Variants in DNAH17 observed in about 807,000 individuals in gnomAD.
The protein encoded by DNAH17 is axonemal beta dynein heavy chain 17.
DNAH17 carries 376 observed loss-of-function variants against 485.6 expected under a neutral mutation model. The observed-to-expected ratio is 0.77, with a 90% CI of 0.71 to 0.84. DNAH17 has a LOEUF of 0.84. Ranked by LOEUF, DNAH17 falls within the 40% of genes least tolerant of loss-of-function variation. The pLI is 0.00. For missense variants in DNAH17, 6,370 were observed against 5,839.3 expected (o/e 1.09, Z -2.96); for synonymous variants, 3,031 against 2,405.9 (o/e 1.26, Z -7.60).
In DNAH17 at chr17:78,463,129, C is replaced by T. The variant is rs1428004517; in HGVS notation, c.8941-52G>A. 4 of 1,550,944 alleles carry T rather than the reference C, an allele frequency of 2.6e-6. No individual in the cohort carries two copies. In the East Asian group the frequency reaches 9.1e-5, roughly 35 times the overall value. On this transcript the variant is annotated intron_variant, in intron 56 of 80. Coordinates refer to ENST00000389840, the MANE Select transcript of DNAH17 (RefSeq NM_173628.4). ...CCTGGGACCCCATCCTGCAAATCAG[C>T]AAAGTGGGGCTCCCCAGACTCACCA...
chr17:78,429,277 G>C lies in DNAH17; in HGVS notation c.12249C>G (p.Tyr4083Ter). The C allele has an allele frequency of 6.2e-7, 1 of 1,613,890 alleles. No individual in the cohort carries two copies. The highest frequency in any genetic ancestry group is 8.5e-7 in the Non-Finnish European group (1 of 1,179,862). The change falls in exon 76 of 81, where the codon TAC becomes TAG. Residue 4083 changes from tyrosine (Y) to a stop codon, truncating the protein, a stop_gained. Transcript: ENST00000389840. LOFTEE classifies it high-confidence loss of function. ...NPKVPWDDLR[Y>*]LFGEIMYGGH... is the part of the protein sequence containing the mutation. The stretch of plus-strand genomic sequence containing the variant: ...CGCCATACATGATTTCACCAAAAAG[G>C]TAGCGGAGATCGTCCCAGGGCACCT...
In DNAH17 at chr17:78,500,298, C is replaced by T. The variant is rs536548386; in HGVS notation, c.5640+7G>A. On this transcript the variant is annotated splice_region_variant and intron_variant, in intron 36 of 80. Transcript: ENST00000389840. ...CTGGGTCCCTCCTCCGGACCCCGGC[C>T]GCGTACCTTGTAGTCCATCTGCTCG... 27 of 1,608,154 alleles carry T rather than the reference C, an allele frequency of 1.7e-5. No individual in the cohort carries two copies. The highest frequency in any genetic ancestry group is 1.6e-4 in the East Asian group (7 of 44,564).
chr17:78,447,009 G>C (rs114209890), intron 69 of DNAH17, among the ~76,000 whole-genome samples: 2,277 of 152,132 alleles, frequency 0.015, 72 homozygotes, highest in African/African-American at 0.052. Flanking sequence ...TGTGATCATG[G>C]CTCACTGCAG....
At position 78,470,924 on chromosome 17, in the gene DNAH17, GAA is replaced by G. The variant is rs377486316; in HGVS notation, c.8512-2043_8512-2042del. Reference sequence around the variant, plus strand: ...TCATAGGAATTTTGCAAGAATAAATGAAAAGTTTTTTTTAAAGCATTTTACAG... The same window carrying G: ...TCATAGGAATTTTGCAAGAATAAATGAAGTTTTTTTTAAAGCATTTTACAG... On this transcript the variant is annotated intron_variant, in intron 54 of 80. Transcript: ENST00000389840. 1.1e-4 allele frequency among the ~76,000 whole-genome samples: 16 copies of G among 152,230 alleles called. No individual in the cohort carries two copies. The East Asian group carries it at 2.7e-3, about 26-fold the overall frequency.
chr17:78,459,501 G>A (rs117039524), intron 60 of DNAH17, among the ~76,000 whole-genome samples: 3,406 of 152,316 alleles, frequency 0.022, 64 homozygotes, highest in Non-Finnish European at 0.03. Flanking sequence ...TTTTGGGGAC[G>A]GTATTCGTGT....
At chr17:78,504,425 G>C (rs1001579142) in intron 31 of DNAH17, among the ~76,000 whole-genome samples, 1 of 151,976 alleles carries the variant, frequency 6.6e-6, no homozygotes, top group African/African-American at 2.4e-5. Flanking sequence ...CTGCAGTTCT[G>C]TTTGTAAGGG....
At chr17:78,503,541 C>T (rs950244600) in intron 31 of DNAH17, among the ~76,000 whole-genome samples, 16 of 152,016 alleles carry the variant, frequency 1.1e-4, no homozygotes, top group Admixed American at 5.2e-4. Context: ...GGCTGCTGTG[C>T]AGTAACTGCA....
At chr17:78,528,982 C>T (rs558043283) in intron 22 of DNAH17, among the ~76,000 whole-genome samples, 2 of 149,990 alleles carry the variant, frequency 1.3e-5, no homozygotes, top group South Asian at 4.2e-4. Flanking sequence ...GAATCTCTGT[C>T]GCCCAGGCTG....
intron 14 of DNAH17, among the ~76,000 whole-genome samples, chr17:78,555,981 T>C (rs1326600035): frequency 6.6e-6 from 1 of 152,206 alleles, no homozygotes; most frequent in Non-Finnish European, 1.5e-5. Context: ...CCACCTGCTT[T>C]CCTGAGTTTC....
chr17:78,552,618 T>C (rs1194210505), intron 15 of DNAH17, 79 bp downstream of exon 15: 5 of 987,500 alleles, frequency 5.1e-6, no homozygotes, highest in Non-Finnish European at 8.1e-6. Context: ...GTGACCACTC[T>C]AGTGGTGTTT....
intron 62 of DNAH17, among the ~76,000 whole-genome samples, chr17:78,456,200 G>A (rs1398663037): frequency 3.9e-5 from 6 of 152,202 alleles, no homozygotes; most frequent in Admixed American, 3.3e-4. Flanking sequence ...TCAAGAAGCC[G>A]AGGCGGGAGA....
chr17:78,500,504 G>C (rs1434956049), intron 35 of DNAH17, 43 bp from the exon 36 acceptor site: 1 of 1,507,332 alleles, frequency 6.6e-7, no homozygotes, highest in African/African-American at 1.4e-5. Flanking sequence ...GCGACCCCAT[G>C]GCCTCCCTGC....
chr17:78,474,530 G>A (rs1412340003), intron 54 of DNAH17, among the ~76,000 whole-genome samples: 1 of 152,262 alleles, frequency 6.6e-6, no homozygotes, highest in African/African-American at 2.4e-5. Context: ...ACCCAGTCAT[G>A]GCTCTGAATT....
rs1415412823 is a variant in DNAH17, at chr17:78,485,690, G to A, written c.7343C>T (p.Ser2448Phe). 6.2e-7 allele frequency: 1 copy of A among 1,614,024 alleles called. No homozygotes were observed. The highest frequency in any genetic ancestry group is 8.5e-7 in the Non-Finnish European group (1 of 1,179,904). Residue 2448 changes from serine to phenylalanine, a missense_variant, in exon 47 of 81, where the codon TCC (serine) becomes TTC (phenylalanine). Transcript: ENST00000389840. ...RYFMDLLMEK[S>F]WPVMLVGNAG... ...GTTCCCCACCAGCATCACCGGCCAGGACTTCTCCATGAGCAGGTCCATGAA... is the reference window on the plus strand; with the variant it reads ...GTTCCCCACCAGCATCACCGGCCAGAACTTCTCCATGAGCAGGTCCATGAA...
intron 74 of DNAH17, 77 bp from the exon 75 acceptor site, chr17:78,434,297 G>T (rs549594386): frequency 1.4e-5 from 20 of 1,417,120 alleles, no homozygotes; most frequent in East Asian, 7.1e-5. Context: ...GGTGACCAGC[G>T]TCCAGCCCTT....
At position 78,490,938 on chromosome 17, in the gene DNAH17, C is replaced by G; in HGVS notation, c.6670-91G>C. On this transcript the variant is annotated intron_variant, in intron 43 of 80. Coordinates refer to ENST00000389840, the MANE Select transcript of DNAH17 (RefSeq NM_173628.4). ...GTGGGGGTTACTCGGAGCAAACCTC[C>G]GAGCAAGGAGGAGGGGCCCAGGCCA... The G allele has an allele frequency of 3.5e-6, 5 of 1,430,588 alleles. No individual in the cohort carries two copies. The South Asian group carries it at 7.1e-5, about 20-fold the overall frequency. 88.6% of individuals were successfully genotyped at this position (1,430,588 alleles called of 1,614,324 possible). A position where few individuals can be genotyped will look rare whatever the true frequency, so the allele number is the denominator to read the frequency against.
At chr17:78,538,076 G>A (rs1382012378) in intron 18 of DNAH17, among the ~76,000 whole-genome samples, 3 of 149,178 alleles carry the variant, frequency 2.0e-5, no homozygotes, top group Non-Finnish European at 3.0e-5. Flanking sequence ...AGAGGCGGAG[G>A]TTGCAATGAG....
At chr17:78,450,185 G>T in intron 68 of DNAH17, 69 bp downstream of exon 68, 1 of 1,579,372 alleles carries the variant, frequency 6.3e-7, no homozygotes, top group Non-Finnish European at 8.7e-7. Context: ...GTGGGCAACA[G>T]GCCTGGCTGT....
At chr17:78,476,854 G>A (rs1378703463) in intron 51 of DNAH17, 121 bp from the exon 52 acceptor site, 6 of 1,218,422 alleles carry the variant, frequency 4.9e-6, no homozygotes, top group East Asian at 2.6e-5. Context: ...TTCAGCTGTT[G>A]GCACAGCATT....
Sources: allele counts gnomAD v4.1 joint callset (sites outside exome capture counted in the v4.1 genomes callset), GRCh38; gene constraint gnomAD v4.1.1; transcripts MANE v1.5; gene names NCBI Gene and HGNC (gene_info 2026-07-23, HGNC 2026-07-21).